Variants in REDIC1 observed in about 807,000 individuals in gnomAD.
REDIC1 encodes regulator of DNA class I crossover intermediates 1, also known as HEI10 Interacting Protein 1.
the REDIC1 span, among the ~76,000 whole-genome samples, chr12:39,634,926 A>C: frequency 4.6e-5 from 7 of 152,220 alleles, no homozygotes; most frequent in Non-Finnish European, 4.4e-5. Flanking sequence ...CAAAGAACTT[A>C]AACAAATTTA....
the REDIC1 span, among the ~76,000 whole-genome samples, chr12:39,743,865 A>G: frequency 5.3e-5 from 8 of 152,238 alleles, no homozygotes; most frequent in Non-Finnish European, 1.0e-4. Flanking sequence ...AAGGTATAAC[A>G]TACACATAAT....
chr12:39,883,686 G>T, the REDIC1 span, among the ~76,000 whole-genome samples: 2 of 152,268 alleles, frequency 1.3e-5, no homozygotes, highest in South Asian at 4.1e-4. Flanking sequence ...AGGTTCACTT[G>T]TAAGTAAAAC....
At chr12:39,864,832 G>C in the REDIC1 span, 1 of 1,613,774 alleles carries the variant, frequency 6.2e-7, no homozygotes, top group African/African-American at 1.3e-5. Flanking sequence ...GGGGAAACTT[G>C]GGCTGATAGC....
At chr12:39,811,424 T>A in the REDIC1 span, among the ~76,000 whole-genome samples, 9 of 152,220 alleles carry the variant, frequency 5.9e-5, no homozygotes, top group African/African-American at 2.2e-4. Flanking sequence ...CTTTCAAAAT[T>A]TTCTAATATA....
At chr12:39,631,275 A>G in the REDIC1 span, among the ~76,000 whole-genome samples, 2 of 152,254 alleles carry the variant, frequency 1.3e-5, no homozygotes, top group Non-Finnish European at 2.9e-5. Flanking sequence ...AAAACATTCC[A>G]TGAATGGCCT....
At chr12:39,700,188 T>C in the REDIC1 span, among the ~76,000 whole-genome samples, 125 of 152,012 alleles carry the variant, frequency 8.2e-4, no homozygotes, top group African/African-American at 2.7e-3. Context: ...TTGAAAACTT[T>C]GAAAAAAAAC....
At chr12:39,805,158 G>A in the REDIC1 span, among the ~76,000 whole-genome samples, 1 of 146,988 alleles carries the variant, frequency 6.8e-6, no homozygotes, top group African/African-American at 2.5e-5. Flanking sequence ...AGGCCAGAGA[G>A]TTGTGTGTTG....
chr12:39,856,569 G>C, the REDIC1 span, among the ~76,000 whole-genome samples: 5 of 151,942 alleles, frequency 3.3e-5, no homozygotes, highest in African/African-American at 1.2e-4. Flanking sequence ...GGGTTTCACC[G>C]TGTTGGCCAG....
the REDIC1 span, among the ~76,000 whole-genome samples, chr12:39,705,223 C>G: frequency 2.0e-5 from 3 of 151,814 alleles, no homozygotes; most frequent in Non-Finnish European, 2.9e-5. Context: ...AAGAAAAGGA[C>G]AAATTCCTAG....
At chr12:39,897,923 AG>A in the REDIC1 span, among the ~76,000 whole-genome samples, 26 of 152,120 alleles carry the variant, frequency 1.7e-4, no homozygotes, top group Non-Finnish European at 3.1e-4. Context: ...ATGAAATATA[AG>A]AATTTTGAAT....
chr12:39,762,396 A>G, the REDIC1 span, among the ~76,000 whole-genome samples: 1 of 117,220 alleles, frequency 8.5e-6, no homozygotes, highest in South Asian at 3.6e-4. Flanking sequence ...ACAACTATTT[A>G]ATTGAATTAC....
At chr12:39,674,523 G>A in the REDIC1 span, among the ~76,000 whole-genome samples, 1 of 152,136 alleles carries the variant, frequency 6.6e-6, no homozygotes, top group African/African-American at 2.4e-5. Context: ...TTTGAAAGAT[G>A]TGGCTTGCTC....
the REDIC1 span, among the ~76,000 whole-genome samples, chr12:39,837,955 T>C: frequency 2.9e-3 from 437 of 151,080 alleles, 11 homozygotes; most frequent in East Asian, 0.072. Context: ...GATCTAGAAC[T>C]AGAAATACCA....
the REDIC1 span, among the ~76,000 whole-genome samples, chr12:39,633,412 A>C: frequency 6.6e-6 from 1 of 152,232 alleles, no homozygotes; most frequent in African/African-American, 2.4e-5. Flanking sequence ...ACCATCTCCT[A>C]TGATAACAAT....
chr12:39,690,144 A>C, the REDIC1 span, among the ~76,000 whole-genome samples: 4 of 152,310 alleles, frequency 2.6e-5, no homozygotes, highest in South Asian at 8.3e-4. Context: ...GCTGGGTTGC[A>C]CCTGCCCACA....
At chr12:39,796,463 A>C in the REDIC1 span, among the ~76,000 whole-genome samples, 1 of 151,900 alleles carries the variant, frequency 6.6e-6, no homozygotes, top group African/African-American at 2.4e-5. Context: ...ACAAAAAAAG[A>C]AATGAGGTAT....
the REDIC1 span, among the ~76,000 whole-genome samples, chr12:39,813,161 C>A: frequency 6.6e-6 from 1 of 151,302 alleles, no homozygotes; most frequent in Non-Finnish European, 1.5e-5. Flanking sequence ...ATTACTTTTG[C>A]CCTCCCTTTA....
At chr12:39,896,249 CATGTATGTATATGT>C in the REDIC1 span, among the ~76,000 whole-genome samples, 4 of 92,514 alleles carry the variant, frequency 4.3e-5, no homozygotes, top group Non-Finnish European at 7.2e-5. Flanking sequence ...TATATGTATA[CATGTATGTATATGT>C]GTGTATATAT....
At chr12:39,781,515 T>C in the REDIC1 span, among the ~76,000 whole-genome samples, 1 of 152,246 alleles carries the variant, frequency 6.6e-6, no homozygotes, top group Non-Finnish European at 1.5e-5. Context: ...AATGAAGGAA[T>C]CATTTTCACC....
Sources: allele counts gnomAD v4.1 joint callset (sites outside exome capture counted in the v4.1 genomes callset), GRCh38; gene constraint gnomAD v4.1.1; transcripts MANE v1.5; gene names NCBI Gene and HGNC (gene_info 2026-07-23, HGNC 2026-07-21).